Variants in GYPC observed in about 807,000 individuals in gnomAD.
GYPC encodes glycophorin C (Gerbich blood group).
Under a neutral mutation model 12.6 loss-of-function variants are expected in GYPC, and 14 were observed. The observed-to-expected ratio is 1.11, with a 90% CI of 0.74 to 1.74. The LOEUF (loss-of-function observed/expected upper bound fraction) is 1.74, where lower values mean the gene tolerates loss of function less well. Ranked by LOEUF, GYPC falls within the 40% of genes most tolerant of loss-of-function variation. The pLI is 0.00. For synonymous variants in GYPC, 78 were observed against 62.1 expected, an observed-to-expected ratio of 1.26 and a Z score of -1.20; for missense variants, 225 against 172.1, an observed-to-expected ratio of 1.31 and a Z score of -1.72.
chr2:126,696,438 C>T lies in GYPC; in HGVS notation c.*296C>T, dbSNP rs560474777. On this transcript the variant is annotated 3_prime_UTR_variant, in exon 4 of 4. Coordinates refer to ENST00000259254, the MANE Select transcript of GYPC (RefSeq NM_002101.5). The stretch of plus-strand genomic sequence containing the variant: ...ATGGGGCCCCCTGGGCAGTGCAGGA[C>T]AACATCAGCTCACTGGCAGGAAAGT... 9.4e-6 allele frequency: 4 copies of T among 425,490 alleles called. No homozygotes were observed. The highest frequency in any genetic ancestry group is 8.1e-5 in the African/African-American group (4 of 49,346). 26.4% of individuals were successfully genotyped at this position (425,490 alleles called of 1,614,324 possible). A position where few individuals can be genotyped will look rare whatever the true frequency, so the allele number is the denominator to read the frequency against.
chr2:126,695,075 C>T (rs1683601048), intron 3 of GYPC, among the ~76,000 whole-genome samples: 1 of 152,186 alleles, frequency 6.6e-6, no homozygotes, highest in African/African-American at 2.4e-5. Context: ...TTCGCCCCGT[C>T]CTCAGTCCCC....
At chr2:126,659,138 G>A (rs1267290734) in intron 1 of GYPC, among the ~76,000 whole-genome samples, 2 of 152,012 alleles carry the variant, frequency 1.3e-5, no homozygotes, top group East Asian at 1.9e-4. Context: ...TTTTTATCTT[G>A]GCCAAACTGA....
intron 2 of GYPC, among the ~76,000 whole-genome samples, chr2:126,693,161 A>G (rs1292880475): frequency 6.6e-6 from 1 of 152,270 alleles, no homozygotes; most frequent in African/African-American, 2.4e-5. Context: ...TCCCTCATGC[A>G]TACATTAATA....
At chr2:126,661,624 G>A (rs1682539560) in intron 1 of GYPC, among the ~76,000 whole-genome samples, 1 of 152,068 alleles carries the variant, frequency 6.6e-6, no homozygotes, top group Non-Finnish European at 1.5e-5. Context: ...GGCTAATTTT[G>A]TATTTTTAGT....
At chr2:126,690,915 G>C (rs1017615458) in intron 2 of GYPC, among the ~76,000 whole-genome samples, 7 of 151,944 alleles carry the variant, frequency 4.6e-5, no homozygotes, top group African/African-American at 1.7e-4. Context: ...CTTCTCAGCA[G>C]CTTATTAATA....
chr2:126,687,886 C>G (rs1351766061), intron 1 of GYPC, among the ~76,000 whole-genome samples: 3 of 147,716 alleles, frequency 2.0e-5, no homozygotes, highest in Non-Finnish European at 4.5e-5. Context: ...GTTGTTCAAG[C>G]CAAATATCTC....
chr2:126,666,758 T>C (rs796265354), intron 1 of GYPC, among the ~76,000 whole-genome samples: 1,228 of 91,568 alleles, frequency 0.013, 8 homozygotes, highest in Admixed American at 0.024. Flanking sequence ...CACACACACA[T>C]ATGCACGCAC....
intron 1 of GYPC, among the ~76,000 whole-genome samples, chr2:126,671,789 A>G (rs536542169): frequency 1.3e-5 from 2 of 152,204 alleles, no homozygotes; most frequent in Non-Finnish European, 2.9e-5. Context: ...AGGTGGACAC[A>G]TGGGTAGGAT....
At chr2:126,677,066 A>G (rs191037716) in intron 1 of GYPC, among the ~76,000 whole-genome samples, 73 of 152,260 alleles carry the variant, frequency 4.8e-4, no homozygotes, top group African/African-American at 1.7e-3. Flanking sequence ...GCCACACCCT[A>G]TCTTCCCATA....
Position 126,696,032 on chromosome 2 carries a change from A to T in GYPC, c.277A>T (p.Thr93Ser). 2 of 1,614,098 alleles carry T rather than the reference A, an allele frequency of 1.2e-6. No homozygotes were observed. The highest frequency in any genetic ancestry group is 1.7e-6 in the Non-Finnish European group (2 of 1,179,952). The change falls in exon 4 of 4, where the codon ACC becomes TCC. Residue 93 changes from threonine (T) to serine (S), a missense_variant. Physicochemically the swap from Thr to Ser is moderately conservative, Grantham distance 58. Coordinates refer to ENST00000259254, the MANE Select transcript of GYPC (RefSeq NM_002101.5). ...YMYRHKGTYH[T>S]NEAKGTEFAE... ...GTACCGGCACAAGGGCACGTACCAC[A>T]CCAATGAGGCCAAGGGCACGGAGTT...
At chr2:126,677,206 T>A (rs1683014609) in intron 1 of GYPC, among the ~76,000 whole-genome samples, 1 of 152,122 alleles carries the variant, frequency 6.6e-6, no homozygotes, top group East Asian at 1.9e-4. Flanking sequence ...TGTGTGTGCA[T>A]GTGTGCCTGT....
chr2:126,671,470 C>T (rs1361662479), intron 1 of GYPC, among the ~76,000 whole-genome samples: 1 of 152,238 alleles, frequency 6.6e-6, no homozygotes, highest in Non-Finnish European at 1.5e-5. Context: ...CAGGTGTCAG[C>T]TGTGCACTTG....
At chr2:126,660,040 G>C (rs1682492147) in intron 1 of GYPC, among the ~76,000 whole-genome samples, 1 of 152,224 alleles carries the variant, frequency 6.6e-6, no homozygotes, top group Non-Finnish European at 1.5e-5. Flanking sequence ...CAGACACTGA[G>C]GGCGCAGCCA....
intron 1 of GYPC, among the ~76,000 whole-genome samples, chr2:126,671,808 C>T (rs149627113): frequency 2.0e-5 from 3 of 152,320 alleles, no homozygotes; most frequent in African/African-American, 4.8e-5. Flanking sequence ...ATGCCCAGTA[C>T]ATCAGATGGC....
intron 1 of GYPC, chr2:126,675,692 C>G: frequency 1.0e-6 from 1 of 985,160 alleles, no homozygotes; most frequent in Non-Finnish European, 1.2e-6. Flanking sequence ...CCCGAGAAAA[C>G]GCAGACTTCT....
chr2:126,676,078 A>G (rs1682987878), intron 1 of GYPC, among the ~76,000 whole-genome samples: 1 of 152,194 alleles, frequency 6.6e-6, no homozygotes, highest in South Asian at 2.1e-4. Flanking sequence ...TGGCTTCTCT[A>G]GGAGCCTCTA....
chr2:126,692,320 C>T (rs1224432571), intron 2 of GYPC, among the ~76,000 whole-genome samples: 1 of 152,108 alleles, frequency 6.6e-6, no homozygotes, highest in Non-Finnish European at 1.5e-5. Flanking sequence ...CTAGCTTGGC[C>T]CATCTGTGTC....
chr2:126,693,031 C>A (rs1262649121), intron 2 of GYPC, among the ~76,000 whole-genome samples: 6 of 152,154 alleles, frequency 3.9e-5, no homozygotes. Context: ...TAAAGCAACA[C>A]CTGGTGCTAT....
intron 1 of GYPC, among the ~76,000 whole-genome samples, chr2:126,674,066 G>A (rs1395816468): frequency 6.6e-6 from 1 of 152,198 alleles, no homozygotes; most frequent in Admixed American, 6.5e-5. Flanking sequence ...TCACAGGCAG[G>A]CTGTATGTGG....
Sources: allele counts gnomAD v4.1 joint callset (sites outside exome capture counted in the v4.1 genomes callset), GRCh38; gene constraint gnomAD v4.1.1; transcripts MANE v1.5; gene names NCBI Gene and HGNC (gene_info 2026-07-23, HGNC 2026-07-21).